Variants in PTPN12 observed in about 807,000 individuals in gnomAD.
PTPN12 encodes the protein protein tyrosine phosphatase non-receptor type 12, also known as tyrosine-protein phosphatase non-receptor type 12.
A neutral mutation model predicts 97.6 loss-of-function variants in PTPN12; 29 were observed. That is an observed-to-expected ratio of 0.30 (90% CI 0.22 to 0.41). The LOEUF (loss-of-function observed/expected upper bound fraction) is 0.41. PTPN12 is among the 10% of genes least tolerant of loss of function. The probability of loss-of-function intolerance (pLI) is 1.00; values close to 1 mark genes in which losing one functional copy is unlikely to be tolerated. For missense variants in PTPN12, 819 were observed against 926.0 expected (o/e 0.88, Z 1.50); for synonymous variants, 327 against 300.4 (o/e 1.09, Z -0.91).
rs752608673 is a variant in PTPN12 at position 77,639,285 on chromosome 7, G to A, written c.*5G>A. The stretch of plus-strand genomic sequence containing the variant: ...CCACCTTCAGAATGGACATGATTCA[G>A]GGAGCTAGAAGACACTTTAAGTTAT... On this transcript the variant is annotated 3_prime_UTR_variant, in exon 18 of 18. Coordinates refer to ENST00000248594, the MANE Select transcript of PTPN12 (RefSeq NM_002835.4). 1.2e-6 allele frequency: 2 copies of A among 1,609,764 alleles called. No homozygotes were observed. Among genetic ancestry groups the A allele is most frequent in the African/African-American group, 1.3e-5 (1 of 74,848 alleles).
intron 1 of PTPN12, among the ~76,000 whole-genome samples, chr7:77,550,785 A>T (rs1807444004): frequency 6.6e-6 from 1 of 152,158 alleles, no homozygotes; most frequent in Admixed American, 6.5e-5. Flanking sequence ...TTCTCGAAAC[A>T]CTCTCATAAT....
Position 77,537,501 on chromosome 7 carries a change from CGGGCGGCGGGG to C in PTPN12, c.-41_-31del, listed in dbSNP as rs776212030. On this transcript the variant is annotated 5_prime_UTR_variant, in exon 1 of 18. Transcript: ENST00000248594. ...CGGAGCGGGCTCTGTGCCGGGCGGG[CGGGCGGCGGGG>C]GGGCCAGCGACCGCAGCCGGGGGGA... 3.7e-6 allele frequency: 2 copies of C among 538,158 alleles called. No individual in the cohort carries two copies. Among genetic ancestry groups the C allele is most frequent in the East Asian group, 1.2e-4 (1 of 8,264 alleles). The allele number at this position is 538,158 out of a possible 1,614,324, so 33.3% of individuals were successfully genotyped here. A position where few individuals can be genotyped will look rare whatever the true frequency, so the allele number is the denominator to read the frequency against.
Position 77,600,646 on chromosome 7 carries a change from T to C in PTPN12, c.553-18T>C, listed in dbSNP as rs1788161632. ...GCAAAGTATTTTCATAATTGTTGAC[T>C]TTCTGTTTTTCTTGAAGGAATCTCG... On this transcript the variant is annotated intron_variant, in intron 7 of 17. Transcript: ENST00000248594. The C allele has an allele frequency of 1.9e-6, 3 of 1,569,976 alleles. No homozygotes were observed. The highest frequency in any genetic ancestry group is 8.6e-7 in the Non-Finnish European group (1 of 1,161,198).
At chr7:77,590,219 A>G (rs1787822010) in intron 5 of PTPN12, among the ~76,000 whole-genome samples, 1 of 152,216 alleles carries the variant, frequency 6.6e-6, no homozygotes, top group South Asian at 2.1e-4. Flanking sequence ...TTTTGATATC[A>G]TTATTAGTTT....
At chr7:77,552,795 G>A (rs1477165068) in intron 1 of PTPN12, among the ~76,000 whole-genome samples, 1 of 152,118 alleles carries the variant, frequency 6.6e-6, no homozygotes, top group East Asian at 1.9e-4. Flanking sequence ...ATTAGACCTG[G>A]CCATTACTTA....
intron 11 of PTPN12, among the ~76,000 whole-genome samples, chr7:77,616,016 C>T (rs1199320312): frequency 6.6e-6 from 1 of 152,178 alleles, no homozygotes; most frequent in African/African-American, 2.4e-5. Context: ...CTCCCAGAAG[C>T]TCTCTTTTGG....
At chr7:77,539,936 C>A (rs1806873372) in intron 1 of PTPN12, among the ~76,000 whole-genome samples, 1 of 152,158 alleles carries the variant, frequency 6.6e-6, no homozygotes, top group African/African-American at 2.4e-5. Context: ...GCTTTGGCCT[C>A]CCAAAGTGCT....
chr7:77,594,756 G>A (rs1414393481), intron 6 of PTPN12, among the ~76,000 whole-genome samples: 1 of 152,048 alleles, frequency 6.6e-6, no homozygotes, highest in African/African-American at 2.4e-5. Flanking sequence ...TGCCCGCCTT[G>A]GCCTCCCAAA....
chr7:77,537,530 C>CG lies in PTPN12; in HGVS notation c.-11dup. On this transcript the variant is annotated 5_prime_UTR_variant, in exon 1 of 18. Transcript: ENST00000248594. ...CGGCGGGGGGGCCAGCGACCGCAGCCGGGGGGACGCGGGAGGATGGAGCAA... is the reference window on the plus strand; with the variant it reads ...CGGCGGGGGGGCCAGCGACCGCAGCCGGGGGGGACGCGGGAGGATGGAGCAA... 4 of 1,574,916 alleles carry CG rather than the reference C, an allele frequency of 2.5e-6. No homozygotes were observed. The highest frequency in any genetic ancestry group is 1.7e-6 in the Non-Finnish European group (2 of 1,163,274).
At chr7:77,607,123 G>C (rs1277189824) in intron 8 of PTPN12, 112 bp from the exon 9 acceptor site, 4 of 836,710 alleles carry the variant, frequency 4.8e-6, no homozygotes, top group African/African-American at 1.7e-5. Context: ...GTAGAATTTT[G>C]TCAAACTTCT....
chr7:77,566,028 C>T lies in PTPN12; in HGVS notation c.100-5050C>T, dbSNP rs559497697. Reference sequence around the variant, plus strand: ...TGGCAATAGAACAATGTGTTATGGACTCATTGCAGAAGGCTGAGGAGCAGT... The same window carrying T: ...TGGCAATAGAACAATGTGTTATGGATTCATTGCAGAAGGCTGAGGAGCAGT... On this transcript the variant is annotated intron_variant, in intron 1 of 17. Coordinates refer to ENST00000248594, the MANE Select transcript of PTPN12 (RefSeq NM_002835.4). Among the ~76,000 whole-genome samples, 4 of 152,240 alleles carry T rather than the reference C, an allele frequency of 2.6e-5. No individual in the cohort carries two copies. The South Asian group carries it at 6.2e-4, about 24-fold the overall frequency.
intron 11 of PTPN12, among the ~76,000 whole-genome samples, chr7:77,616,383 C>G (rs1788752241): frequency 6.6e-6 from 1 of 152,122 alleles, no homozygotes; most frequent in South Asian, 2.1e-4. Context: ...TTTTACCAGA[C>G]TACATTTTGA....
chr7:77,541,249 G>A (rs1435127003), intron 1 of PTPN12, among the ~76,000 whole-genome samples: 1 of 152,044 alleles, frequency 6.6e-6, no homozygotes, highest in Admixed American at 6.6e-5. Flanking sequence ...ACCCCACCAA[G>A]CCCTGCTGAT....
At chr7:77,582,104 TTTTTTTTTG>T (rs1332952074) in intron 3 of PTPN12, among the ~76,000 whole-genome samples, 3 of 131,148 alleles carry the variant, frequency 2.3e-5, no homozygotes, top group African/African-American at 8.7e-5. Context: ...TTTTTTTTTT[TTTTTTTTTG>T]AGACGGAGTC....
intron 5 of PTPN12, 76 bp from the exon 6 acceptor site, chr7:77,592,109 C>G: frequency 3.1e-6 from 4 of 1,292,982 alleles, no homozygotes; most frequent in East Asian, 2.4e-5. Context: ...AGCAGAACCT[C>G]AGGACACAAA....
chr7:77,626,631 C>A, intron 12 of PTPN12, 74 bp from the exon 13 acceptor site: 2 of 1,457,564 alleles, frequency 1.4e-6, no homozygotes. Flanking sequence ...ATATGCTACT[C>A]TTAGCTACAT....
intron 11 of PTPN12, among the ~76,000 whole-genome samples, chr7:77,615,417 G>A (rs1445395024): frequency 3.3e-5 from 5 of 152,002 alleles, no homozygotes; most frequent in East Asian, 1.9e-4. Flanking sequence ...ATAACAGTAC[G>A]CAAGATAACT....
rs375165418 is a variant in PTPN12 at position 77,618,490 on chromosome 7, A to T, written c.950A>T (p.Asn317Ile). Residue 317 changes from asparagine to isoleucine, a missense_variant, in exon 12 of 18, where the codon AAC (asparagine) becomes ATC (isoleucine). Physicochemically the swap from Asn to Ile is moderately radical, Grantham distance 149. Coordinates refer to ENST00000248594, the MANE Select transcript of PTPN12 (RefSeq NM_002835.4). ...QKIADGVNEI[N>I]TENMVSSIEP... ...TTTTTCCCTTGGCAGAATGAAATTA[A>T]CACTGAAAACATGGTCAGCTCCATA... The T allele has an allele frequency of 6.3e-7, 1 of 1,594,340 alleles. No homozygotes were observed. The highest frequency in any genetic ancestry group is 1.3e-5 in the African/African-American group (1 of 74,314).
chr7:77,612,541 C>T (rs1193532852), intron 11 of PTPN12, among the ~76,000 whole-genome samples: 2 of 152,184 alleles, frequency 1.3e-5, no homozygotes, highest in African/African-American at 2.4e-5. Flanking sequence ...CAGGTTCAAG[C>T]GATTCTCCTG....
Sources: allele counts gnomAD v4.1 joint callset (sites outside exome capture counted in the v4.1 genomes callset), GRCh38; gene constraint gnomAD v4.1.1; transcripts MANE v1.5; gene names NCBI Gene and HGNC (gene_info 2026-07-23, HGNC 2026-07-21).